The following ZNF217 variants were observed in gnomAD, a reference collection of about 807,000 sequenced individuals.
ZNF217 encodes the protein zinc finger protein 217.
In ZNF217, 12 loss-of-function variants were observed where a neutral mutation model predicts 73.3. The ratio of observed to expected loss-of-function variants is 0.16; its 90% CI spans 0.10 to 0.27. The LOEUF is 0.27. Among genes scored for constraint, ZNF217 ranks in the 10% least tolerant of loss-of-function variants. The pLI, the probability that ZNF217 is intolerant of heterozygous loss-of-function variation, is 1.00. For synonymous variants in ZNF217, 588 were observed against 516.4 expected, an observed-to-expected ratio of 1.14 and a Z score of -1.88; for missense variants, 1,195 against 1,327.8, an observed-to-expected ratio of 0.90 and a Z score of 1.55.
chr20:53,580,234 A>T (rs1988435317), intron 2 of ZNF217, among the ~76,000 whole-genome samples: 1 of 152,214 alleles, frequency 6.6e-6, no homozygotes, highest in Admixed American at 6.5e-5. Flanking sequence ...GCACTGGCTG[A>T]AGAGCAGGTG....
chr20:53,581,310 C>T lies in ZNF217; in HGVS notation c.1366+151G>A, dbSNP rs1988471780. The T allele has an allele frequency of 9.2e-7, 1 of 1,089,874 alleles. No individual in the cohort carries two copies. Among genetic ancestry groups the T allele is most frequent in the Non-Finnish European group, 1.3e-6 (1 of 782,308 alleles). 67.5% of individuals were successfully genotyped at this position (1,089,874 alleles called of 1,614,324 possible). ...GCCCTGAGAGGTTAAATGACTTACA[C>T]AGAGTGATACCAAAAAGAGCCTGGA... On this transcript the variant is annotated intron_variant, in intron 2 of 5. Transcript: ENST00000371471. The surrounding 1 kb of genome is among the most constrained non-coding windows in gnomAD (Gnocchi z 4.9).
In ZNF217 at chr20:53,575,955, T is replaced by G. The variant is rs761062355; in HGVS notation, c.2809A>C (p.Arg937=). The change falls in exon 4 of 6, where the codon AGA becomes CGA. Residue 937 remains arginine, a synonymous_variant. Coordinates refer to ENST00000371471, the MANE Select transcript of ZNF217 (RefSeq NM_006526.3). ...TACTTGGGAAGGTCATAGCCTCTTC[T>G]GTAATTGGCCCCGGGCTGGTCAACG... The part of the protein sequence containing the change: ...LDVDQPGANY[R]RGYDLPKYHM... 1 of 1,614,086 alleles carries G rather than the reference T, an allele frequency of 6.2e-7. No homozygotes were observed. Among genetic ancestry groups the G allele is most frequent in the Admixed American group, 1.7e-5 (1 of 60,010 alleles).
intron 3 of ZNF217, among the ~76,000 whole-genome samples, chr20:53,577,486 A>G (rs1055066618): frequency 1.3e-5 from 2 of 152,250 alleles, no homozygotes; most frequent in Admixed American, 1.3e-4. Flanking sequence ...AAAAATTAAC[A>G]GCAACACTTC....
chr20:53,592,053 A>G (rs369509933), intron 1 of ZNF217, among the ~76,000 whole-genome samples: 2 of 152,216 alleles, frequency 1.3e-5, no homozygotes. Flanking sequence ...ATGTCAAGTC[A>G]TTCAACCAAC....
chr20:53,585,095 GA>G (rs748460021), intron 1 of ZNF217, among the ~76,000 whole-genome samples: 8,585 of 46,746 alleles, frequency 0.18, 176 homozygotes, highest in East Asian at 0.29. Flanking sequence ...GTGAGAATTT[GA>G]AAAAAAAAAA....
upstream of ZNF217, among the ~76,000 whole-genome samples, chr20:53,597,408 A>C (rs1989060572): frequency 6.6e-6 from 1 of 152,184 alleles, no homozygotes; most frequent in African/African-American, 2.4e-5. Flanking sequence ...AGCATCTGCA[A>C]ACTACAAAGG....
At chr20:53,574,394 C>T (rs948464469) in intron 4 of ZNF217, 1 of 152,236 alleles carries the variant, frequency 6.6e-6, no homozygotes, top group East Asian at 1.9e-4. Flanking sequence ...TGGGCGCCCC[C>T]TATTCTGCCC....
chr20:53,580,002 G>T (rs1474139444), intron 2 of ZNF217, among the ~76,000 whole-genome samples: 1 of 152,138 alleles, frequency 6.6e-6, no homozygotes, highest in Non-Finnish European at 1.5e-5. Context: ...CAGGGAACTG[G>T]GGCATCTCAC....
At position 53,580,535 on chromosome 20, in the gene ZNF217, C is replaced by T. The variant is rs1466981233; in HGVS notation, c.1366+926G>A. On this transcript the variant is annotated intron_variant, in intron 2 of 5. Coordinates refer to ENST00000371471, the MANE Select transcript of ZNF217 (RefSeq NM_006526.3). ...AAGCTCTGGCTACAGTGAGGATGGG[C>T]GCAACTCCAAACACAGGTGGAATCC... is the stretch of plus-strand genomic sequence containing the variant. Among the ~76,000 whole-genome samples the T allele has an allele frequency of 2.0e-5, 3 of 152,188 alleles. No individual in the cohort carries two copies. The East Asian group carries it at 5.8e-4, about 29-fold the overall frequency.
At chr20:53,570,662 C>T (rs564063423) in intron 5 of ZNF217, among the ~76,000 whole-genome samples, 45 of 152,292 alleles carry the variant, frequency 3.0e-4, no homozygotes, top group African/African-American at 9.1e-4. Context: ...TACGGGACGG[C>T]GGTGCACTAC....
chr20:53,574,990 C>T (rs891162677), intron 4 of ZNF217: 2 of 152,142 alleles, frequency 1.3e-5, no homozygotes, highest in Non-Finnish European at 2.9e-5. Context: ...GACCAGTGTT[C>T]TCACCCACTG....
rs185748016 is a variant in ZNF217, at chr20:53,581,109, G to T, written c.1366+352C>A. Among the ~76,000 whole-genome samples the T allele has an allele frequency of 2.1e-4, 32 of 152,224 alleles. No homozygotes were observed. Among genetic ancestry groups the T allele is most frequent in the African/African-American group, 7.5e-4 (31 of 41,544 alleles). On this transcript the variant is annotated intron_variant, in intron 2 of 5. Transcript: ENST00000371471. This position sits in a 1 kb window ranked among gnomAD's most constrained non-coding sequence, Gnocchi z 4.9. Reference sequence around the variant, plus strand: ...CTCCAGACATTGCCAGATACTGATTGGGAACAAAATCGCCCCAGTTAAGAA... The same window carrying T: ...CTCCAGACATTGCCAGATACTGATTTGGAACAAAATCGCCCCAGTTAAGAA...
At chr20:53,579,737 C>T (rs1555808739) in intron 2 of ZNF217, among the ~76,000 whole-genome samples, 1 of 152,188 alleles carries the variant, frequency 6.6e-6, no homozygotes, top group Non-Finnish European at 1.5e-5. Flanking sequence ...GGACTGTGAT[C>T]TTTTTACAAA....
At position 53,579,155 on chromosome 20, in the gene ZNF217, T is replaced by C. The variant is rs943435726; in HGVS notation, c.1367-705A>G. 7.9e-5 allele frequency among the ~76,000 whole-genome samples: 12 copies of C among 152,282 alleles called. No individual in the cohort carries two copies. In the East Asian group the frequency reaches 1.2e-3, roughly 15 times the overall value. ...TAGTTTCTGCAGGACAATAGGACAA[T>C]GTGTCTCACGTGCATCAGGAGAAGT... is the stretch of plus-strand genomic sequence containing the variant. On this transcript the variant is annotated intron_variant, in intron 2 of 5. Coordinates refer to ENST00000371471, the MANE Select transcript of ZNF217 (RefSeq NM_006526.3).
At chr20:53,586,770 T>C (rs1243475848) in intron 1 of ZNF217, among the ~76,000 whole-genome samples, 3 of 152,156 alleles carry the variant, frequency 2.0e-5, no homozygotes, top group African/African-American at 2.4e-5. Flanking sequence ...ACCGTTCCAA[T>C]TGAATGGGGT....
Position 53,576,878 on chromosome 20 carries a change from C to T in ZNF217, c.1886G>A (p.Arg629Lys). 1 of 1,614,200 alleles carries T rather than the reference C, an allele frequency of 6.2e-7. No individual in the cohort carries two copies. The highest frequency in any genetic ancestry group is 8.5e-7 in the Non-Finnish European group (1 of 1,180,040). ...TPAYLDLLKK[R>K]SAVETQANNL... ...ATTTGCCTGAGTTTCAACTGCTGAT[C>T]TCTTTTTTAACAGGTCCAGGTAAGC... is the stretch of plus-strand genomic sequence containing the variant. Residue 629 changes from arginine (R) to lysine (K), a missense_variant, in exon 4 of 6, where the codon AGA becomes AAA. Around this residue, in one of 9 missense-constraint regions of ZNF217, gnomAD observed 649 missense variants for 642.8 expected, o/e 1.01. Transcript: ENST00000371471.
intron 1 of ZNF217, among the ~76,000 whole-genome samples, chr20:53,592,591 G>C (rs1417268272): frequency 8.5e-6 from 1 of 118,086 alleles, no homozygotes; most frequent in Non-Finnish European, 1.6e-5. Flanking sequence ...GTTCCAACCC[G>C]GGCCCTGAAC....
chr20:53,592,970 AGATATTCTT>A (rs1184465008), intron 1 of ZNF217, among the ~76,000 whole-genome samples: 2 of 152,022 alleles, frequency 1.3e-5, no homozygotes, highest in Non-Finnish European at 2.9e-5. Flanking sequence ...TGAGTTGTAA[AGATATTCTT>A]TAAGTGTTTA....
chr20:53,594,368 C>T (rs1329493051), upstream of ZNF217, among the ~76,000 whole-genome samples: 3 of 150,072 alleles, frequency 2.0e-5, no homozygotes, highest in Middle Eastern at 6.8e-3. Flanking sequence ...CACCGGCCGC[C>T]CGGCCACGCC....
Sources: gnomAD v4.1 joint callset for allele counts (sites outside exome capture counted in the v4.1 genomes callset) on GRCh38, gnomAD v4.1.1 for gene constraint, gnomAD v4.1.1 regional missense constraint, Gnocchi (gnomAD v3.1) non-coding constraint, MANE v1.5 for transcripts, NCBI Gene and HGNC (gene_info 2026-07-23, HGNC 2026-07-21) for gene names.